The following GABBR2 variants were observed in gnomAD, a reference collection of about 807,000 sequenced individuals.
The protein encoded by GABBR2 is G-protein coupled receptor 51.
A neutral mutation model predicts 105.6 loss-of-function variants in GABBR2; 23 were observed. The ratio of observed to expected loss-of-function variants is 0.22; its 90% CI spans 0.16 to 0.31. The LOEUF is 0.31. Among genes scored for constraint, GABBR2 ranks in the 10% least tolerant of loss-of-function variants. The pLI, the probability that GABBR2 is intolerant of heterozygous loss-of-function variation, is 1.00. For synonymous variants in GABBR2, 478 were observed against 499.7 expected (o/e 0.96, Z 0.58); for missense variants, 734 against 1,245.5 (o/e 0.59, Z 6.18).
chr9:98,379,030 T>C (rs1831925244), intron 11 of GABBR2, among the ~76,000 whole-genome samples: 1 of 152,144 alleles, frequency 6.6e-6, no homozygotes, highest in African/African-American at 2.4e-5. Context: ...TTCCAACCAC[T>C]ACATGGCCGC....
At chr9:98,399,727 TGAAGG>T (rs1314138251) in intron 8 of GABBR2, among the ~76,000 whole-genome samples, 8,122 of 152,086 alleles carry the variant, frequency 0.053, 524 homozygotes, top group African/African-American at 0.16. Flanking sequence ...ATTAAGAACT[TGAAGG>T]CTCAACCAGG....
intron 2 of GABBR2, among the ~76,000 whole-genome samples, chr9:98,552,573 C>T (rs1828508766): frequency 6.6e-6 from 1 of 152,164 alleles, no homozygotes; most frequent in Non-Finnish European, 1.5e-5. Flanking sequence ...ACAAAAAGTG[C>T]CTCAACATAG....
At chr9:98,603,824 C>A (rs1305060311) in intron 1 of GABBR2, among the ~76,000 whole-genome samples, 3 of 152,198 alleles carry the variant, frequency 2.0e-5, no homozygotes, top group Non-Finnish European at 4.4e-5. Context: ...TTACTTCCCA[C>A]TGAGAGCTTC....
intron 3 of GABBR2, among the ~76,000 whole-genome samples, chr9:98,524,793 A>G (rs891067864): frequency 3.3e-5 from 5 of 152,168 alleles, no homozygotes; most frequent in Non-Finnish European, 5.9e-5. Flanking sequence ...CACCACTTTT[A>G]AAAACCTAAG....
intron 4 of GABBR2, among the ~76,000 whole-genome samples, chr9:98,486,108 C>T (rs1430834518): frequency 6.6e-6 from 1 of 152,196 alleles, no homozygotes; most frequent in East Asian, 1.9e-4. Flanking sequence ...CAATAAATTA[C>T]TTTCCCAAGC....
chr9:98,371,896 A>G (rs1831789801), intron 11 of GABBR2, among the ~76,000 whole-genome samples: 1 of 152,180 alleles, frequency 6.6e-6, no homozygotes, highest in Non-Finnish European at 1.5e-5. Flanking sequence ...CCAAAAGGTG[A>G]TGGTCCAGCC....
Position 98,708,684 on chromosome 9 carries a change from C to T in GABBR2, c.54G>A (p.Pro18=), listed in dbSNP as rs1830936917. 2 of 1,080,550 alleles carry T rather than the reference C, an allele frequency of 1.9e-6. No individual in the cohort carries two copies. The highest frequency in any genetic ancestry group is 6.0e-5 in the East Asian group (1 of 16,570). The allele number at this position is 1,080,550 out of a possible 1,614,324, so 66.9% of individuals were successfully genotyped here. A position where few individuals can be genotyped will look rare whatever the true frequency, so the allele number is the denominator to read the frequency against. ...GQPGPPPPPP[P]PPARLLLLLL... The stretch of plus-strand genomic sequence containing the variant: ...GTAGCAGTAGCAGGCGCGCGGGCGG[C>T]GGTGGCGGCGGCGGCGGCGGCCCGG... Residue 18 remains proline, a synonymous_variant, in exon 1 of 19, where the codon CCG becomes CCA. Coordinates refer to ENST00000259455, the MANE Select transcript of GABBR2 (RefSeq NM_005458.8).
intron 13 of GABBR2, among the ~76,000 whole-genome samples, chr9:98,341,733 G>A (rs1226580100): frequency 6.6e-5 from 10 of 152,154 alleles, no homozygotes; most frequent in Non-Finnish European, 1.3e-4. Context: ...TTATCTCGGG[G>A]ACACAAACTG....
intron 1 of GABBR2, among the ~76,000 whole-genome samples, chr9:98,644,204 C>T (rs902236192): frequency 6.6e-6 from 1 of 152,238 alleles, no homozygotes; most frequent in Admixed American, 6.5e-5. Flanking sequence ...CCCAAACACA[C>T]TTGCAGCCCT....
chr9:98,664,801 A>G (rs4743254), intron 1 of GABBR2, among the ~76,000 whole-genome samples: 123,681 of 152,036 alleles, frequency 0.81, 50,416 homozygotes, highest in Middle Eastern at 0.91. Flanking sequence ...TTAGGGATCC[A>G]GAAGTCTGAG....
In GABBR2 at chr9:98,583,768, T is replaced by G. The variant is rs1235214090; in HGVS notation, c.322-5696A>C. 3.9e-5 allele frequency among the ~76,000 whole-genome samples: 6 copies of G among 152,232 alleles called. No homozygotes were observed. In the East Asian group the frequency reaches 9.6e-4, roughly 24 times the overall value. ...CTTGCAGACACATTGCCACAGCCAT[T>G]TCACAGGATCTGTCCTTCCAGCTCA... On this transcript the variant is annotated intron_variant, in intron 1 of 18. Coordinates refer to ENST00000259455, the MANE Select transcript of GABBR2 (RefSeq NM_005458.8).
At chr9:98,317,276 C>G (rs1830734364) in intron 13 of GABBR2, among the ~76,000 whole-genome samples, 1 of 152,234 alleles carries the variant, frequency 6.6e-6, no homozygotes, top group South Asian at 2.1e-4. Flanking sequence ...GGCTGCTGCT[C>G]AGCAGGAGGC....
At chr9:98,422,496 CTGTG>C (rs370880704) in intron 7 of GABBR2, among the ~76,000 whole-genome samples, 32 of 146,458 alleles carry the variant, frequency 2.2e-4, no homozygotes, top group South Asian at 1.5e-3. Context: ...CTTAATGCAC[CTGTG>C]TGTGTGTGTG....
intron 11 of GABBR2, among the ~76,000 whole-genome samples, chr9:98,379,469 A>G (rs1027048556): frequency 2.0e-5 from 3 of 152,146 alleles, no homozygotes; most frequent in Non-Finnish European, 4.4e-5. Flanking sequence ...GGATTTTACT[A>G]TGTTGGCCAG....
At chr9:98,437,691 T>G (rs1043673528) in intron 7 of GABBR2, among the ~76,000 whole-genome samples, 1 of 148,890 alleles carries the variant, frequency 6.7e-6, no homozygotes, top group African/African-American at 2.5e-5. Flanking sequence ...TCTATTCACA[T>G]AACTATCCAT....
Position 98,307,029 on chromosome 9 carries a change from G to A in GABBR2, c.2005-684C>T, listed in dbSNP as rs1435262. 6.8e-4 allele frequency among the ~76,000 whole-genome samples: 103 copies of A among 152,264 alleles called. 1 individual carries two copies. Among genetic ancestry groups the A allele is most frequent in the African/African-American group, 2.0e-3 (85 of 41,548 alleles). On this transcript the variant is annotated intron_variant, in intron 14 of 18. Coordinates refer to ENST00000259455, the MANE Select transcript of GABBR2 (RefSeq NM_005458.8). Reference sequence around the variant, plus strand: ...TGTGATGGGTGGAGCTTCAGCATCCGTCTTAGATCACAAGGCTATGACGTG... The same window carrying A: ...TGTGATGGGTGGAGCTTCAGCATCCATCTTAGATCACAAGGCTATGACGTG...
intron 5 of GABBR2, among the ~76,000 whole-genome samples, chr9:98,474,536 T>C (rs906211071): frequency 6.6e-6 from 1 of 152,188 alleles, no homozygotes; most frequent in African/African-American, 2.4e-5. Flanking sequence ...CTCTGTGCAT[T>C]GATGGACTGC....
At chr9:98,441,809 A>G (rs902102753) in intron 7 of GABBR2, among the ~76,000 whole-genome samples, 1 of 152,248 alleles carries the variant, frequency 6.6e-6, no homozygotes, top group Non-Finnish European at 1.5e-5. Context: ...AACAGTAAAC[A>G]TTATTTTATA....
At chr9:98,657,513 G>A (rs1779580649) in intron 1 of GABBR2, among the ~76,000 whole-genome samples, 21 of 152,184 alleles carry the variant, frequency 1.4e-4, no homozygotes, top group Admixed American at 1.4e-3. Flanking sequence ...ATGTAAGGAA[G>A]GGACCCTGTT....
Sources: allele counts gnomAD v4.1 joint callset (sites outside exome capture counted in the v4.1 genomes callset), GRCh38; gene constraint gnomAD v4.1.1; transcripts MANE v1.5; gene names NCBI Gene and HGNC (gene_info 2026-07-23, HGNC 2026-07-21).